Variants in UBA6 observed in about 807,000 individuals in gnomAD.
UBA6 encodes the protein ubiquitin like modifier activating enzyme 6.
UBA6 carries 87 observed loss-of-function variants against 148.3 expected under a neutral mutation model. The observed-to-expected ratio is 0.59, with a 90% CI of 0.49 to 0.70. The LOEUF (loss-of-function observed/expected upper bound fraction) is 0.70. Among genes scored for constraint, UBA6 ranks in the 30% least tolerant of loss-of-function variants. The pLI is 0.00. For synonymous variants in UBA6, 376 were observed against 401.0 expected (o/e 0.94, Z 0.75); for missense variants, 1,186 against 1,241.2 (o/e 0.96, Z 0.67).
chr4:67,699,057 CTTA>C (rs975313524), intron 1 of UBA6, among the ~76,000 whole-genome samples: 3 of 152,088 alleles, frequency 2.0e-5, no homozygotes, highest in Admixed American at 6.5e-5. Flanking sequence ...ACAAAGTATA[CTTA>C]TTATAGTAAC....
intron 13 of UBA6, among the ~76,000 whole-genome samples, chr4:67,660,270 A>G (rs532747614): frequency 6.6e-6 from 1 of 152,260 alleles, no homozygotes; most frequent in African/African-American, 2.4e-5. Context: ...TTAATTGCCA[A>G]GACAATGGGA....
chr4:67,666,460 C>T (rs191149275), intron 9 of UBA6, among the ~76,000 whole-genome samples: 134 of 151,622 alleles, frequency 8.8e-4, no homozygotes, highest in Admixed American at 1.8e-3. Flanking sequence ...AACTCAGCTG[C>T]TGTTACCTCT....
chr4:67,633,166 T>G (rs1418028091), intron 23 of UBA6, among the ~76,000 whole-genome samples, 179 bp downstream of exon 23: 1 of 152,218 alleles, frequency 6.6e-6, no homozygotes, highest in Non-Finnish European at 1.5e-5. Flanking sequence ...AGTTTCTTGC[T>G]TCTTCTATTC....
chr4:67,684,846 T>C (rs1046122152), intron 2 of UBA6, among the ~76,000 whole-genome samples: 11 of 152,334 alleles, frequency 7.2e-5, no homozygotes, highest in Admixed American at 2.0e-4. Context: ...ATGCACCACA[T>C]GTTGTTTTAA....
At chr4:67,624,401 CAGGTCTG>C in intron 29 of UBA6, 148 bp from the exon 30 acceptor site, 1 of 624,196 alleles carries the variant, frequency 1.6e-6, no homozygotes, top group Non-Finnish European at 2.6e-6. Flanking sequence ...TTTCTTATTA[CAGGTCTG>C]TATACTTTTA....
rs1729245161 is a variant in UBA6, at chr4:67,639,245, G to C, written c.1555-121C>G. On this transcript the variant is annotated intron_variant, in intron 18 of 32. Transcript: ENST00000322244. The stretch of plus-strand genomic sequence containing the variant: ...CAGTCATAGTCCATACATATATAAT[G>C]AGAGTAATGAGACCAGTTTTCATTT... 5.9e-6 allele frequency: 4 copies of C among 674,896 alleles called. No homozygotes were observed. The South Asian group carries it at 1.2e-4, about 19-fold the overall frequency. The allele number at this position is 674,896 out of a possible 1,614,324, so 41.8% of individuals were successfully genotyped here.
intron 2 of UBA6, among the ~76,000 whole-genome samples, chr4:67,692,776 C>A (rs571460364): frequency 1.3e-5 from 2 of 152,256 alleles, no homozygotes; most frequent in South Asian, 4.2e-4. Context: ...AGGCTCATTA[C>A]ACAAGGTACT....
At chr4:67,677,195 C>T (rs1330642574) in intron 6 of UBA6, among the ~76,000 whole-genome samples, 1 of 152,154 alleles carries the variant, frequency 6.6e-6, no homozygotes, top group East Asian at 1.9e-4. Context: ...TTCTGTTTCT[C>T]CTACTACCAT....
intron 32 of UBA6, among the ~76,000 whole-genome samples, chr4:67,619,357 A>G (rs1577783425): frequency 6.6e-6 from 1 of 152,214 alleles, no homozygotes; most frequent in Non-Finnish European, 1.5e-5. Flanking sequence ...ACTGGTCATG[A>G]TAAAGAATAC....
intron 13 of UBA6, among the ~76,000 whole-genome samples, chr4:67,649,861 A>C (rs1465214699): frequency 6.6e-6 from 1 of 152,108 alleles, no homozygotes; most frequent in African/African-American, 2.4e-5. Flanking sequence ...TTCTCTTCTT[A>C]TTCTTTAAAC....
chr4:67,700,381 T>C (rs1350122319), intron 1 of UBA6, among the ~76,000 whole-genome samples: 1 of 152,158 alleles, frequency 6.6e-6, no homozygotes, highest in Non-Finnish European at 1.5e-5. Context: ...AATTATGAGA[T>C]GATTGAAAGA....
chr4:67,649,420 C>G (rs1442239804), intron 13 of UBA6, among the ~76,000 whole-genome samples: 5 of 152,088 alleles, frequency 3.3e-5, no homozygotes, highest in African/African-American at 9.7e-5. Flanking sequence ...TAGTATCTGC[C>G]CATTTTTGTC....
chr4:67,625,489 G>A (rs1165979569), intron 28 of UBA6, among the ~76,000 whole-genome samples: 1 of 151,058 alleles, frequency 6.6e-6, no homozygotes, highest in Non-Finnish European at 1.5e-5. Context: ...TAAGAAAGTT[G>A]TGTACTGCAC....
intron 6 of UBA6, among the ~76,000 whole-genome samples, chr4:67,677,104 T>C (rs1730299865): frequency 1.3e-5 from 2 of 152,194 alleles, no homozygotes; most frequent in Admixed American, 1.3e-4. Context: ...TTGATAACAT[T>C]GACTTGCTTT....
At chr4:67,626,647 TTATG>T (rs1450071610) in intron 27 of UBA6, among the ~76,000 whole-genome samples, 170 bp from the exon 28 acceptor site, 1 of 151,942 alleles carries the variant, frequency 6.6e-6, no homozygotes, top group Non-Finnish European at 1.5e-5. Context: ...GAAGGTATTA[TTATG>T]TTATTCATGT....
chr4:67,653,612 C>A (rs1473845408), intron 13 of UBA6, among the ~76,000 whole-genome samples: 1 of 152,162 alleles, frequency 6.6e-6, no homozygotes, highest in Non-Finnish European at 1.5e-5. Flanking sequence ...ATTCTAAAAA[C>A]CAGAGTGCCT....
rs1304240140 is a variant in UBA6, at chr4:67,631,760, G to C, written c.2206C>G (p.Gln736Glu). 7 of 1,611,348 alleles carry C rather than the reference G, an allele frequency of 4.3e-6. No individual in the cohort carries two copies. The highest frequency in any genetic ancestry group is 5.9e-6 in the Non-Finnish European group (7 of 1,178,894). ...GGAGAGGGTGGCCTCTTTGGTGACT[G>C]CCAAAATAAACCTGGCAAAAAGATA... The part of the protein sequence containing the change: ...IRLKDGSLFW[Q>E]SPKRPPSPIK... Residue 736 changes from glutamine to glutamate, a missense_variant, in exon 25 of 33, where the codon CAG becomes GAG. Physicochemically the swap from Gln to Glu is conservative, Grantham distance 29. Coordinates refer to ENST00000322244, the MANE Select transcript of UBA6 (RefSeq NM_018227.6).
At chr4:67,694,291 A>T (rs1730777850) in intron 2 of UBA6, among the ~76,000 whole-genome samples, 5 of 150,484 alleles carry the variant, frequency 3.3e-5, no homozygotes, top group Non-Finnish European at 7.4e-5. Flanking sequence ...CACTATAAAA[A>T]AAAAAACCCT....
At chr4:67,685,144 C>T (rs1730527441) in intron 2 of UBA6, among the ~76,000 whole-genome samples, 3 of 152,110 alleles carry the variant, frequency 2.0e-5, no homozygotes, top group African/African-American at 7.2e-5. Context: ...ATTCCCACTC[C>T]CCAAAGATAA....
Sources: gnomAD v4.1 joint callset for allele counts (sites outside exome capture counted in the v4.1 genomes callset) on GRCh38, gnomAD v4.1.1 for gene constraint, MANE v1.5 for transcripts, NCBI Gene and HGNC (gene_info 2026-07-23, HGNC 2026-07-21) for gene names.